The following GALNT16 variants were observed in gnomAD, a reference collection of about 807,000 sequenced individuals.
The protein encoded by GALNT16 is UDP-GalNAc:polypeptide N-acetylgalactosaminyltransferase-like protein 1.
GALNT16 carries 40 observed loss-of-function variants against 76.1 expected under a neutral mutation model. The ratio of observed to expected loss-of-function variants is 0.53; its 90% CI spans 0.41 to 0.68. The LOEUF (loss-of-function observed/expected upper bound fraction) is 0.68. Among genes scored for constraint, GALNT16 ranks in the 30% least tolerant of loss-of-function variants. The probability of loss-of-function intolerance (pLI) is 0.00; values close to 1 mark genes in which losing one functional copy is unlikely to be tolerated. For missense variants in GALNT16, 621 were observed against 731.9 expected (o/e 0.85, Z 1.75); for synonymous variants, 276 against 285.2 (o/e 0.97, Z 0.32).
chr14:69,329,575 A>G (rs2045327186), intron 6 of GALNT16, among the ~76,000 whole-genome samples: 1 of 152,214 alleles, frequency 6.6e-6, no homozygotes, highest in Non-Finnish European at 1.5e-5. Flanking sequence ...TAGGAGCTGT[A>G]TCAGGCCATT....
the GALNT16 span, among the ~76,000 whole-genome samples, chr14:69,382,359 G>A: frequency 6.6e-6 from 1 of 152,186 alleles, no homozygotes; most frequent in Admixed American, 6.5e-5. Context: ...ACTGCAAAAT[G>A]TAGCAGAAGA....
Position 69,311,151 on chromosome 14 carries a change from C to T in GALNT16, c.178-9560C>T, listed in dbSNP as rs538098387. Among the ~76,000 whole-genome samples, 3 of 152,208 alleles carry T rather than the reference C, an allele frequency of 2.0e-5. No individual in the cohort carries two copies. In the East Asian group the frequency reaches 5.8e-4, roughly 29 times the overall value. On this transcript the variant is annotated intron_variant, in intron 1 of 14. Coordinates refer to ENST00000448469, the MANE Select transcript of GALNT16 (RefSeq NM_001168368.2). ...AAATTGATTTCTTACAGTTTCAGAG[C>T]CTGGAAACCCAAGATCAAGGCACCA...
the GALNT16 span, among the ~76,000 whole-genome samples, chr14:69,385,395 C>T: frequency 6.6e-6 from 1 of 152,122 alleles, no homozygotes; most frequent in African/African-American, 2.4e-5. Context: ...GATGTCCTTG[C>T]TCCTTATCTT....
chr14:69,326,607 A>G (rs1026364440), intron 5 of GALNT16, among the ~76,000 whole-genome samples: 21 of 152,154 alleles, frequency 1.4e-4, no homozygotes, highest in Admixed American at 7.2e-4. Context: ...ATGGGCCTCA[A>G]TGGGGTGTGG....
the GALNT16 span, chr14:69,380,527 T>TGGG: frequency 2.8e-6 from 3 of 1,076,086 alleles, no homozygotes; most frequent in Non-Finnish European, 4.3e-6. Context: ...CCCCCAGTGC[T>TGGG]TCCAACACAA....
chr14:69,371,317 G>A, the GALNT16 span, among the ~76,000 whole-genome samples: 40 of 151,986 alleles, frequency 2.6e-4, 1 homozygote, highest in Middle Eastern at 0.02. Flanking sequence ...GCAGTGGTGC[G>A]ATCTCAGCTC....
At chr14:69,286,146 A>G (rs1222219134) in intron 1 of GALNT16, among the ~76,000 whole-genome samples, 6 of 152,270 alleles carry the variant, frequency 3.9e-5, no homozygotes, top group Non-Finnish European at 7.4e-5. Flanking sequence ...CAGAACTCAT[A>G]GGGTAGGACA....
intron 1 of GALNT16, among the ~76,000 whole-genome samples, chr14:69,286,385 C>T (rs2044612728): frequency 6.6e-6 from 1 of 151,788 alleles, no homozygotes; most frequent in Non-Finnish European, 1.5e-5. Context: ...TCACTGCAAC[C>T]TCTGGCTCCC....
intron 1 of GALNT16, among the ~76,000 whole-genome samples, chr14:69,301,673 G>A (rs1594834728): frequency 6.6e-6 from 1 of 151,854 alleles, no homozygotes; most frequent in East Asian, 1.9e-4. Flanking sequence ...GCAGAGTTAA[G>A]TAACTGCATT....
Position 69,273,894 on chromosome 14 carries a change from C to G in GALNT16, c.177+13427C>G, listed in dbSNP as rs138502607. Among the ~76,000 whole-genome samples the G allele has an allele frequency of 4.8e-3, 732 of 152,302 alleles. 8 individuals are homozygous for G. The highest frequency in any genetic ancestry group is 0.027 in the Middle Eastern group (8 of 294). On this transcript the variant is annotated intron_variant, in intron 1 of 14. Transcript: ENST00000448469. ...TGGGAGGGGTTGGCTCTTTTTCTGTCTTTCCTCTTCTTTGCTTAAAAACAG... is the reference window on the plus strand; with the variant it reads ...TGGGAGGGGTTGGCTCTTTTTCTGTGTTTCCTCTTCTTTGCTTAAAAACAG...
At position 69,319,478 on chromosome 14, in the gene GALNT16, T is replaced by G. The variant is rs548576952; in HGVS notation, c.178-1233T>G. Among the ~76,000 whole-genome samples the G allele has an allele frequency of 1.1e-3, 173 of 152,380 alleles. 1 individual carries two copies. The highest frequency in any genetic ancestry group is 4.6e-4 in the Non-Finnish European group (31 of 68,034). ...AATTCTCACCCTCCTTTCTGCTTCC[T>G]CTGGGGCCCCAGCTTCAGCCCAGGG... On this transcript the variant is annotated intron_variant, in intron 1 of 14. Transcript: ENST00000448469.
chr14:69,379,588 G>A, the GALNT16 span, among the ~76,000 whole-genome samples: 1 of 152,192 alleles, frequency 6.6e-6, no homozygotes, highest in African/African-American at 2.4e-5. Flanking sequence ...GAGTGCTCAT[G>A]TACTTGCTGA....
intron 11 of GALNT16, among the ~76,000 whole-genome samples, chr14:69,340,188 C>T (rs1330681730): frequency 2.0e-5 from 3 of 152,048 alleles, no homozygotes; most frequent in East Asian, 1.9e-4. Flanking sequence ...CTCTTATTTC[C>T]GTTGTGGGTG....
chr14:69,360,408 A>G (rs1253073249), downstream of GALNT16, among the ~76,000 whole-genome samples: 1 of 151,998 alleles, frequency 6.6e-6, no homozygotes, highest in Non-Finnish European at 1.5e-5. Context: ...CAGGTGGATC[A>G]CTTGAGGCCA....
At chr14:69,291,398 C>T (rs895770473) in intron 1 of GALNT16, among the ~76,000 whole-genome samples, 2 of 152,238 alleles carry the variant, frequency 1.3e-5, no homozygotes, top group African/African-American at 4.8e-5. Context: ...AAGAGGGAGA[C>T]TTGGCTCTGA....
chr14:69,364,362 A>C, the GALNT16 span, among the ~76,000 whole-genome samples: 1 of 152,260 alleles, frequency 6.6e-6, no homozygotes, highest in Non-Finnish European at 1.5e-5. The surrounding 1 kb of genome is among the most constrained non-coding windows in gnomAD (Gnocchi z 4.2). Flanking sequence ...TTGATTAAAC[A>C]GACAATGAAT....
chr14:69,273,373 A>G (rs2044430525), intron 1 of GALNT16, among the ~76,000 whole-genome samples: 1 of 152,192 alleles, frequency 6.6e-6, no homozygotes, highest in Non-Finnish European at 1.5e-5. Flanking sequence ...CTCAGCTCTA[A>G]TGCCAACTCA....
intron 1 of GALNT16, among the ~76,000 whole-genome samples, chr14:69,278,706 A>G (rs560189834): frequency 6.6e-6 from 1 of 152,214 alleles, no homozygotes; most frequent in Non-Finnish European, 1.5e-5. Context: ...GCAGTTTCGT[A>G]TGGTCTAACC....
chr14:69,275,650 A>T (rs76059201), intron 1 of GALNT16, among the ~76,000 whole-genome samples: 5 of 152,218 alleles, frequency 3.3e-5, no homozygotes, highest in African/African-American at 1.2e-4. Flanking sequence ...TGAGCTTAGG[A>T]GTTTGAGACC....
Sources: gnomAD v4.1 joint callset for allele counts (sites outside exome capture counted in the v4.1 genomes callset) on GRCh38, gnomAD v4.1.1 for gene constraint, Gnocchi (gnomAD v3.1) non-coding constraint, MANE v1.5 for transcripts, NCBI Gene and HGNC (gene_info 2026-07-23, HGNC 2026-07-21) for gene names.